Variants in ATPSCKMT observed in about 807,000 individuals in gnomAD.
ATPSCKMT encodes the protein ATP synthase c subunit lysine N-methyltransferase, also known as ATP synthase subunit C lysine N-methyltransferase.
A neutral mutation model predicts 24.3 loss-of-function variants in ATPSCKMT; 24 were observed. That is an observed-to-expected ratio of 0.99 (90% CI 0.71 to 1.39). The LOEUF (loss-of-function observed/expected upper bound fraction) is 1.39, where lower values mean the gene tolerates loss of function less well. Among genes scored for constraint, ATPSCKMT ranks in the 40% most tolerant of loss-of-function variants. The pLI is 0.00. For synonymous variants in ATPSCKMT, 95 were observed against 110.5 expected, an observed-to-expected ratio of 0.86 and a Z score of 0.88; for missense variants, 311 against 298.4, an observed-to-expected ratio of 1.04 and a Z score of -0.31.
chr5:10,241,727 G>A (rs2126456955), intron 1 of ATPSCKMT, among the ~76,000 whole-genome samples: 1 of 152,276 alleles, frequency 6.6e-6, no homozygotes, highest in East Asian at 1.9e-4. Flanking sequence ...GCATTTTACG[G>A]AGGAACTTAC....
At chr5:10,247,346 T>G (rs542827321) in intron 1 of ATPSCKMT, among the ~76,000 whole-genome samples, 38 of 152,306 alleles carry the variant, frequency 2.5e-4, no homozygotes, top group African/African-American at 8.4e-4. Flanking sequence ...GGAAAAACAA[T>G]TGATTCCTTT....
intron 4 of ATPSCKMT, among the ~76,000 whole-genome samples, chr5:10,231,913 T>C (rs971851659): frequency 6.6e-6 from 1 of 152,198 alleles, no homozygotes. Flanking sequence ...TGTTCATCAG[T>C]TCATAAAAGC....
chr5:10,234,309 C>G (rs113242204), intron 4 of ATPSCKMT, among the ~76,000 whole-genome samples: 196 of 151,736 alleles, frequency 1.3e-3, no homozygotes, highest in African/African-American at 4.5e-3. Context: ...GCCTGGGCAA[C>G]AGAACAAGAC....
chr5:10,235,144 T>C, intron 4 of ATPSCKMT, 67 bp downstream of exon 4: 1 of 1,434,362 alleles, frequency 7.0e-7, no homozygotes, highest in Non-Finnish European at 9.8e-7. Context: ...TGAGTGGTGG[T>C]GTTGTGGCTG....
At chr5:10,231,145 TA>T (rs1385095906) in intron 4 of ATPSCKMT, among the ~76,000 whole-genome samples, 1 of 151,956 alleles carries the variant, frequency 6.6e-6, no homozygotes, top group African/African-American at 2.4e-5. Context: ...TCTAAGGTGC[TA>T]GACACAAGCT....
intron 4 of ATPSCKMT, among the ~76,000 whole-genome samples, chr5:10,228,715 T>C (rs1743992930): frequency 6.6e-6 from 1 of 152,212 alleles, no homozygotes; most frequent in East Asian, 1.9e-4. Flanking sequence ...AGACAAGATT[T>C]ATCGCCCAGG....
intron 1 of ATPSCKMT, among the ~76,000 whole-genome samples, chr5:10,243,058 C>T (rs376586058): frequency 2.0e-5 from 3 of 152,324 alleles, no homozygotes; most frequent in African/African-American, 7.2e-5. Context: ...TCAGAATGGC[C>T]AGTAAGCATT....
At chr5:10,249,626 GC>G in intron 1 of ATPSCKMT, 1 of 603,368 alleles carries the variant, frequency 1.7e-6, no homozygotes, top group Admixed American at 3.6e-5. Context: ...GCACTAAGTA[GC>G]CTAGAACAGT....
Position 10,227,092 on chromosome 5 carries a change from T to C in ATPSCKMT, c.*349A>G, listed in dbSNP as rs1743912500. ...CAAACAGTTGGTAATATATACTGTC[T>C]TTAAAAATCATTTCTCCTTATCGAG... is the stretch of plus-strand genomic sequence containing the variant. On this transcript the variant is annotated 3_prime_UTR_variant, in exon 5 of 5. Transcript: ENST00000511437. The C allele has an allele frequency of 3.8e-6, 1 of 261,830 alleles. No homozygotes were observed. Among genetic ancestry groups the C allele is most frequent in the Non-Finnish European group, 7.5e-6 (1 of 133,426 alleles). 16.2% of individuals were successfully genotyped at this position (261,830 alleles called of 1,614,324 possible).
At chr5:10,242,931 G>C (rs1206174218) in intron 1 of ATPSCKMT, among the ~76,000 whole-genome samples, 1 of 152,176 alleles carries the variant, frequency 6.6e-6, no homozygotes, top group African/African-American at 2.4e-5. Flanking sequence ...TCAACAGTGG[G>C]CTTAAAATAT....
At chr5:10,246,435 CCT>C (rs1404850698) in intron 1 of ATPSCKMT, among the ~76,000 whole-genome samples, 2 of 133,184 alleles carry the variant, frequency 1.5e-5, no homozygotes, top group African/African-American at 5.2e-5. Flanking sequence ...AGAACAAGAC[CCT>C]GTCTCTCAAA....
chr5:10,248,567 G>A (rs996887782), intron 1 of ATPSCKMT: 13 of 152,310 alleles, frequency 8.5e-5, no homozygotes, highest in African/African-American at 3.1e-4. Context: ...CCTGTTTTTA[G>A]AGACAGAATC....
intron 1 of ATPSCKMT, among the ~76,000 whole-genome samples, chr5:10,247,060 T>C (rs1351325078): frequency 1.3e-5 from 2 of 152,202 alleles, no homozygotes; most frequent in African/African-American, 4.8e-5. Context: ...CCAGGCTGAA[T>C]GTGTATTTTA....
chr5:10,247,113 T>C (rs1744970640), intron 1 of ATPSCKMT, among the ~76,000 whole-genome samples: 1 of 152,210 alleles, frequency 6.6e-6, no homozygotes, highest in Admixed American at 6.5e-5. Context: ...AAAGTCACCA[T>C]AATATTTGTG....
chr5:10,249,705 G>T, intron 1 of ATPSCKMT, 153 bp downstream of exon 1: 4 of 1,240,240 alleles, frequency 3.2e-6, no homozygotes, highest in Non-Finnish European at 4.4e-6. Flanking sequence ...GCGACCAGGA[G>T]CTCTGGTCAC....
At chr5:10,245,286 G>C (rs535436209) in intron 1 of ATPSCKMT, among the ~76,000 whole-genome samples, 4 of 152,226 alleles carry the variant, frequency 2.6e-5, no homozygotes, top group Middle Eastern at 3.4e-3. Context: ...CGGGCATGGT[G>C]GTGGGCGCCT....
chr5:10,248,173 ATATGT>A (rs1218318188), intron 1 of ATPSCKMT, among the ~76,000 whole-genome samples: 32 of 152,236 alleles, frequency 2.1e-4, no homozygotes, highest in African/African-American at 7.0e-4. Flanking sequence ...TAACTACAGC[ATATGT>A]TATGTCCCTT....
chr5:10,246,269 A>G (rs1744920813), intron 1 of ATPSCKMT, among the ~76,000 whole-genome samples: 1 of 151,944 alleles, frequency 6.6e-6, no homozygotes, highest in African/African-American at 2.4e-5. Context: ...AACTCTACTA[A>G]AATACCAAAA....
intron 2 of ATPSCKMT, among the ~76,000 whole-genome samples, chr5:10,237,419 T>C (rs908523349): frequency 6.6e-6 from 1 of 152,226 alleles, no homozygotes; most frequent in African/African-American, 2.4e-5. Context: ...TCCCCACCCA[T>C]ATCTCATCTT....
Sources: gnomAD v4.1 joint callset for allele counts (sites outside exome capture counted in the v4.1 genomes callset) on GRCh38, gnomAD v4.1.1 for gene constraint, MANE v1.5 for transcripts, NCBI Gene and HGNC (gene_info 2026-07-23, HGNC 2026-07-21) for gene names.